CNTNAP2: variants seen among roughly 807,000 people sequenced by gnomAD.
The protein encoded by CNTNAP2 is contactin associated protein 2.
A neutral mutation model predicts 155.2 loss-of-function variants in CNTNAP2; 98 were observed. The ratio of observed to expected loss-of-function variants is 0.63; its 90% CI spans 0.54 to 0.75. CNTNAP2 has a LOEUF of 0.75. Ranked by LOEUF, CNTNAP2 falls within the 30% of genes least tolerant of loss-of-function variation. CNTNAP2 has a pLI of 0.00. For missense variants in CNTNAP2, 1,727 were observed against 1,688.1 expected (o/e 1.02, Z -0.40); for synonymous variants, 651 against 631.2 (o/e 1.03, Z -0.47).
chr7:146,589,867 A>G (rs1328362629), intron 1 of CNTNAP2, among the ~76,000 whole-genome samples: 1 of 152,180 alleles, frequency 6.6e-6, no homozygotes, highest in Non-Finnish European at 1.5e-5. Flanking sequence ...TAGAGGAAGC[A>G]GAGTTTTCCT....
chr7:146,447,884 C>T (rs938427390), intron 1 of CNTNAP2, among the ~76,000 whole-genome samples: 1 of 151,840 alleles, frequency 6.6e-6, no homozygotes, highest in Non-Finnish European at 1.5e-5. Context: ...TGCATTTGTT[C>T]CTTAATTGTC....
At position 146,203,377 on chromosome 7, in the gene CNTNAP2, C is replaced by T. The variant is rs926567004; in HGVS notation, c.97+86404C>T. Among the ~76,000 whole-genome samples the T allele has an allele frequency of 3.9e-5, 6 of 152,244 alleles. 1 individual carries two copies. The highest frequency in any genetic ancestry group is 3.9e-4 in the Admixed American group (6 of 15,280). ...GGGTTCAGTTAATTTATTAGAGCTG[C>T]TTACAGAACTCAGGGAAACATGCTT... On this transcript the variant is annotated intron_variant, in intron 1 of 23. Transcript: ENST00000361727.
At chr7:147,801,858 G>C (rs1271265537) in intron 13 of CNTNAP2, among the ~76,000 whole-genome samples, 2 of 151,854 alleles carry the variant, frequency 1.3e-5, no homozygotes, top group Admixed American at 6.6e-5. Context: ...CAGACGGGGG[G>C]GGCGGCCGGG....
intron 21 of CNTNAP2, among the ~76,000 whole-genome samples, chr7:148,329,000 AG>A (rs71527894): frequency 2.0e-5 from 3 of 147,450 alleles, no homozygotes; most frequent in East Asian, 4.0e-4. Flanking sequence ...AAAAAAAAAA[AG>A]GCCCAAACCA....
At position 147,876,978 on chromosome 7, in the gene CNTNAP2, G is replaced by T. The variant is rs546532167; in HGVS notation, c.2099-26587G>T. On this transcript the variant is annotated intron_variant, in intron 13 of 23. Coordinates refer to ENST00000361727, the MANE Select transcript of CNTNAP2 (RefSeq NM_014141.6). The stretch of plus-strand genomic sequence containing the variant: ...GGAGTGAAGATTTGTTGTGGATTGG[G>T]TGGTGCTCAGGAATGGATGCAAATT... Among the ~76,000 whole-genome samples, 136 of 152,212 alleles carry T rather than the reference G, an allele frequency of 8.9e-4. 2 individuals are homozygous for T. The South Asian group carries it at 0.027, about 31-fold the overall frequency.
intron 10 of CNTNAP2, among the ~76,000 whole-genome samples, chr7:147,405,972 CCCT>C (rs1420059805): frequency 6.6e-6 from 1 of 152,070 alleles, no homozygotes; most frequent in African/African-American, 2.4e-5. Flanking sequence ...CAGAGTAATT[CCCT>C]CTAACAACGA....
chr7:147,020,714 T>C (rs762505065), intron 3 of CNTNAP2, among the ~76,000 whole-genome samples: 4 of 152,196 alleles, frequency 2.6e-5, no homozygotes, highest in Non-Finnish European at 4.4e-5. Context: ...CAACAGGTTT[T>C]CTAAATAATA....
At chr7:146,261,223 G>A (rs1799914918) in intron 1 of CNTNAP2, among the ~76,000 whole-genome samples, 1 of 152,036 alleles carries the variant, frequency 6.6e-6, no homozygotes, top group East Asian at 1.9e-4. Context: ...CCCAGTGTCA[G>A]GTAGTATCTT....
At chr7:147,043,590 G>A (rs897577555) in intron 3 of CNTNAP2, among the ~76,000 whole-genome samples, 3 of 152,152 alleles carry the variant, frequency 2.0e-5, no homozygotes, top group Admixed American at 1.3e-4. Flanking sequence ...ATCATTTATT[G>A]TATAAATTAA....
chr7:146,989,869 G>A (rs1282582758), intron 3 of CNTNAP2, among the ~76,000 whole-genome samples: 3 of 151,804 alleles, frequency 2.0e-5, no homozygotes, highest in Admixed American at 2.0e-4. Context: ...TAATATAGGT[G>A]TTGTCACCCC....
At chr7:147,387,444 T>C (rs1179022088) in intron 9 of CNTNAP2, among the ~76,000 whole-genome samples, 2 of 152,194 alleles carry the variant, frequency 1.3e-5, no homozygotes, top group African/African-American at 4.8e-5. Context: ...TTCTTCTCAT[T>C]GAATCTCATC....
intron 13 of CNTNAP2, among the ~76,000 whole-genome samples, chr7:147,653,515 C>T (rs555868074): frequency 6.6e-6 from 1 of 152,292 alleles, no homozygotes; most frequent in Non-Finnish European, 1.5e-5. Context: ...TAGGGACTTG[C>T]TTCCTGTCAA....
intron 1 of CNTNAP2, among the ~76,000 whole-genome samples, chr7:146,615,146 T>C (rs2129154883): frequency 6.6e-6 from 1 of 152,314 alleles, no homozygotes; most frequent in South Asian, 2.1e-4. Context: ...ACTTGATCTC[T>C]TTTAGTCAGC....
intron 1 of CNTNAP2, among the ~76,000 whole-genome samples, chr7:146,644,238 T>C (rs1211532760): frequency 6.6e-6 from 1 of 152,212 alleles, no homozygotes; most frequent in African/African-American, 2.4e-5. Context: ...GTGCCCGTTT[T>C]CAAAGGGAAT....
intron 1 of CNTNAP2, among the ~76,000 whole-genome samples, chr7:146,752,198 C>T (rs182750084): frequency 4.9e-4 from 74 of 152,260 alleles, no homozygotes; most frequent in African/African-American, 1.7e-3. Context: ...GAGGAATTGC[C>T]ACACTGTCTT....
At chr7:147,696,658 T>G (rs1796166316) in intron 13 of CNTNAP2, among the ~76,000 whole-genome samples, 1 of 152,162 alleles carries the variant, frequency 6.6e-6, no homozygotes, top group Non-Finnish European at 1.5e-5. Flanking sequence ...TCTGAATAAC[T>G]TCATTTAACA....
intron 21 of CNTNAP2, among the ~76,000 whole-genome samples, chr7:148,316,702 C>T (rs1039589113): frequency 2.0e-5 from 3 of 152,138 alleles, no homozygotes; most frequent in African/African-American, 7.2e-5. Context: ...GAACAGGCAG[C>T]TAGATGCATA....
chr7:146,841,136 G>A (rs923002848), intron 3 of CNTNAP2, among the ~76,000 whole-genome samples: 2 of 152,310 alleles, frequency 1.3e-5, no homozygotes, highest in South Asian at 4.1e-4. Context: ...CAACCCCAGA[G>A]ACTTGAATTT....
At chr7:147,733,810 GCTCT>G (rs1184113507) in intron 13 of CNTNAP2, among the ~76,000 whole-genome samples, 2 of 151,870 alleles carry the variant, frequency 1.3e-5, no homozygotes, top group East Asian at 3.9e-4. Flanking sequence ...TTGTGATTTG[GCTCT>G]CTGTCTGTTA....
Sources: gnomAD v4.1 joint callset for allele counts (sites outside exome capture counted in the v4.1 genomes callset) on GRCh38, gnomAD v4.1.1 for gene constraint, MANE v1.5 for transcripts, NCBI Gene and HGNC (gene_info 2026-07-23, HGNC 2026-07-21) for gene names.